Variants in LDLRAD4 observed in about 807,000 individuals in gnomAD.
LDLRAD4 encodes the protein low-density lipoprotein receptor class A domain-containing protein 4.
A neutral mutation model predicts 17.0 loss-of-function variants in LDLRAD4; 5 were observed. The ratio of observed to expected loss-of-function variants is 0.29; its 90% CI spans 0.15 to 0.62. The LOEUF is 0.62. Among genes scored for constraint, LDLRAD4 ranks in the 20% least tolerant of loss-of-function variants. The pLI, the probability that LDLRAD4 is intolerant of heterozygous loss-of-function variation, is 0.84. For synonymous variants in LDLRAD4, 168 were observed against 171.8 expected, an observed-to-expected ratio of 0.98 and a Z score of 0.17; for missense variants, 340 against 424.7, an observed-to-expected ratio of 0.80 and a Z score of 1.75.
At chr18:13,540,231 A>G (rs1010739841) in intron 3 of LDLRAD4, among the ~76,000 whole-genome samples, 1 of 152,282 alleles carries the variant, frequency 6.6e-6, no homozygotes, top group African/African-American at 2.4e-5. Context: ...AGCAAAAGAT[A>G]TGGGCCAAGA....
intron 3 of LDLRAD4, among the ~76,000 whole-genome samples, chr18:13,495,854 C>G (rs934804499): frequency 6.6e-6 from 1 of 152,208 alleles, no homozygotes; most frequent in Admixed American, 6.5e-5. Flanking sequence ...GCGCAGTGTT[C>G]AGAGAGCGCG....
At chr18:13,225,104 G>A (rs1451523495) in intron 1 of LDLRAD4, among the ~76,000 whole-genome samples, 1 of 152,196 alleles carries the variant, frequency 6.6e-6, no homozygotes, top group Admixed American at 6.5e-5. Context: ...CCAAAGTGCT[G>A]GGATTACAGG....
chr18:13,298,462 C>G lies in LDLRAD4; in HGVS notation c.-383+20274C>G, dbSNP rs368497797. 1.1e-4 allele frequency among the ~76,000 whole-genome samples: 15 copies of G among 134,468 alleles called. 1 individual carries two copies. The highest frequency in any genetic ancestry group is 3.2e-4 in the African/African-American group (11 of 34,414). The allele number at this position is 134,468 out of a possible 152,430, so 88.2% of individuals were successfully genotyped here. ...CTCCGGGCACGGCAATTTTGCTGCT[C>G]TGGGCACGGTGATGGAGCTGCTCCG... On this transcript the variant is annotated intron_variant, in intron 1 of 5. Transcript: ENST00000359446.
chr18:13,233,666 A>G (rs190211912), intron 1 of LDLRAD4, among the ~76,000 whole-genome samples: 3 of 152,180 alleles, frequency 2.0e-5, no homozygotes, highest in Admixed American at 1.3e-4. Context: ...CTGTCAGTGG[A>G]GAGAGGTTTC....
intron 3 of LDLRAD4, among the ~76,000 whole-genome samples, chr18:13,439,732 A>G (rs2090904878): frequency 6.6e-6 from 1 of 152,118 alleles, no homozygotes; most frequent in Non-Finnish European, 1.5e-5. Flanking sequence ...AGGAAGAGGG[A>G]GGAAGGCTGC....
At chr18:13,559,969 G>C (rs1430290855) in intron 3 of LDLRAD4, among the ~76,000 whole-genome samples, 2 of 152,202 alleles carry the variant, frequency 1.3e-5, no homozygotes, top group Non-Finnish European at 2.9e-5. Flanking sequence ...ATAATCAACA[G>C]GGTTGGGCGT....
rs1243195954 is a variant in LDLRAD4 at position 13,538,333 on chromosome 18, T to A, written c.182-82784T>A. On this transcript the variant is annotated intron_variant, in intron 3 of 5. Coordinates refer to ENST00000359446, the Ensembl canonical transcript of LDLRAD4. ...TGTAGACATTCCTGTAAGCACCAAT[T>A]TAGCTGTATCTCACAAATTTTTAAT... Among the ~76,000 whole-genome samples, 6 of 152,334 alleles carry A rather than the reference T, an allele frequency of 3.9e-5. 1 individual carries two copies. Among genetic ancestry groups the A allele is most frequent in the South Asian group, 4.1e-4 (2 of 4,832 alleles).
chr18:13,640,444 G>A (rs926309075), intron 4 of LDLRAD4, among the ~76,000 whole-genome samples: 1 of 152,130 alleles, frequency 6.6e-6, no homozygotes, highest in Non-Finnish European at 1.5e-5. Context: ...AGGCCATCCC[G>A]TCTGGCAGAT....
At chr18:13,540,462 C>T (rs930140407) in intron 3 of LDLRAD4, among the ~76,000 whole-genome samples, 5 of 148,884 alleles carry the variant, frequency 3.4e-5, no homozygotes, top group Admixed American at 2.6e-4. Flanking sequence ...CCTATATAAC[C>T]TTTTTTTCTT....
chr18:13,447,136 C>G (rs2091464570), intron 3 of LDLRAD4, among the ~76,000 whole-genome samples: 1 of 145,460 alleles, frequency 6.9e-6, no homozygotes, highest in Non-Finnish European at 1.5e-5. Flanking sequence ...CCCGCCCCCC[C>G]TTTTTTTTGA....
At chr18:13,483,706 C>T (rs1440629556) in intron 3 of LDLRAD4, among the ~76,000 whole-genome samples, 4 of 152,184 alleles carry the variant, frequency 2.6e-5, no homozygotes, top group South Asian at 2.1e-4. Context: ...TGAGGGTAGA[C>T]GTTATCTCCA....
intron 1 of LDLRAD4, among the ~76,000 whole-genome samples, chr18:13,358,914 G>A (rs182324861): frequency 9.2e-5 from 14 of 152,246 alleles, no homozygotes; most frequent in African/African-American, 3.1e-4. Flanking sequence ...ACTCCATTAT[G>A]TAATTTTAGG....
intron 2 of LDLRAD4, among the ~76,000 whole-genome samples, chr18:13,423,146 A>G (rs996181398): frequency 6.6e-6 from 1 of 152,148 alleles, no homozygotes; most frequent in African/African-American, 2.4e-5. Flanking sequence ...AACTCTGAAC[A>G]TTTTTGGCCT....
chr18:13,253,480 C>A (rs1034737221), intron 1 of LDLRAD4, among the ~76,000 whole-genome samples: 2 of 152,120 alleles, frequency 1.3e-5, no homozygotes, highest in Non-Finnish European at 2.9e-5. Flanking sequence ...GGTAAATGAG[C>A]AGTGTTAGGA....
intron 4 of LDLRAD4, among the ~76,000 whole-genome samples, chr18:13,636,502 T>G (rs61100268): frequency 0.13 from 18,697 of 142,190 alleles, 1,830 homozygotes; most frequent in East Asian, 0.51. Flanking sequence ...TTTTTGTTTT[T>G]GTTTTTGTTT....
At chr18:13,560,983 T>G (rs180739768) in intron 3 of LDLRAD4, among the ~76,000 whole-genome samples, 3 of 152,326 alleles carry the variant, frequency 2.0e-5, no homozygotes, top group Admixed American at 1.3e-4. Flanking sequence ...GTTCTGATTT[T>G]TATGGAGACA....
chr18:13,288,777 G>A lies in LDLRAD4; in HGVS notation c.-383+10589G>A, dbSNP rs12455176. ...AGTCACGGGCCACGGTAGCAGCCCT[G>A]CAGACCGTGGTCACTCTGCAAGGTG... On this transcript the variant is annotated intron_variant, in intron 1 of 5. Coordinates refer to ENST00000359446, the Ensembl canonical transcript of LDLRAD4. Among the ~76,000 whole-genome samples the A allele has an allele frequency of 2.3e-3, 92 of 39,328 alleles. 4 individuals carry two copies. The highest frequency in any genetic ancestry group is 5.9e-3 in the South Asian group (5 of 846). 25.8% of individuals were successfully genotyped at this position (39,328 alleles called of 152,430 possible).
intron 3 of LDLRAD4, among the ~76,000 whole-genome samples, chr18:13,540,762 C>G (rs1373181615): frequency 6.6e-6 from 1 of 152,214 alleles, no homozygotes; most frequent in Non-Finnish European, 1.5e-5. Flanking sequence ...GTGTCAGAAG[C>G]AAGATCTGGT....
Position 13,493,430 on chromosome 18 carries a change from A to G in LDLRAD4, c.181+55046A>G, listed in dbSNP as rs376573118. Among the ~76,000 whole-genome samples the G allele has an allele frequency of 2.0e-5, 3 of 152,314 alleles. No homozygotes were observed. The East Asian group carries it at 5.8e-4, about 29-fold the overall frequency. ...AAAATTGAGAGAAAATTTACCTTCA[A>G]AAAAGTAGGTTGTGGAAGCAATGAT... On this transcript the variant is annotated intron_variant, in intron 3 of 5. Transcript: ENST00000359446.
Sources: gnomAD v4.1 joint callset for allele counts (sites outside exome capture counted in the v4.1 genomes callset) on GRCh38, gnomAD v4.1.1 for gene constraint, MANE v1.5 for transcripts, NCBI Gene and HGNC (gene_info 2026-07-23, HGNC 2026-07-21) for gene names.